The following SORT1 variants were observed in gnomAD, a reference collection of about 807,000 sequenced individuals.
SORT1 encodes the protein sortilin.
SORT1 carries 39 observed loss-of-function variants against 101.7 expected under a neutral mutation model. The observed-to-expected ratio is 0.38, with a 90% CI of 0.30 to 0.50. The LOEUF (loss-of-function observed/expected upper bound fraction) is 0.50. Ranked by LOEUF, SORT1 falls within the 20% of genes least tolerant of loss-of-function variation. The probability of loss-of-function intolerance (pLI) is 0.90; values close to 1 mark genes in which losing one functional copy is unlikely to be tolerated. For missense variants in SORT1, 878 were observed against 1,040.4 expected, an observed-to-expected ratio of 0.84 and a Z score of 2.15; for synonymous variants, 396 against 393.7, an observed-to-expected ratio of 1.01 and a Z score of -0.07.
At chr1:109,340,580 A>T (rs946745077) in intron 10 of SORT1, 144 bp downstream of exon 10, 3 of 789,574 alleles carry the variant, frequency 3.8e-6, no homozygotes, top group Admixed American at 2.9e-5. Context: ...GCCACAATAA[A>T]AAAAAAAAAG....
intron 16 of SORT1, among the ~76,000 whole-genome samples, chr1:109,317,527 C>G (rs1477088335): frequency 6.6e-6 from 1 of 152,204 alleles, no homozygotes; most frequent in South Asian, 2.1e-4. Context: ...GCGGATGGGA[C>G]GCTTCTGTCA....
Position 109,325,029 on chromosome 1 carries a change from A to G in SORT1, c.1704T>C (p.Tyr568=), listed in dbSNP as rs775241230. 16 of 1,613,962 alleles carry G rather than the reference A, an allele frequency of 9.9e-6. No individual in the cohort carries two copies. The South Asian group carries it at 1.6e-4, about 17-fold the overall frequency. Residue 568 remains tyrosine, a synonymous_variant, in exon 14 of 20, where the codon TAT becomes TAC. Transcript: ENST00000256637. ...CAGGTTCTGAAGCTAGGCCAGTGAAATAGATGGGGTCCCTGGTGAACGTGT... is the reference window on the plus strand; with the variant it reads ...CAGGTTCTGAAGCTAGGCCAGTGAAGTAGATGGGGTCCCTGGTGAACGTGT... The part of the protein sequence containing the change: ...QTYTFTRDPI[Y]FTGLASEPGA...
intron 1 of SORT1, among the ~76,000 whole-genome samples, chr1:109,378,738 ATATATATATATATAT>A: frequency 9.5e-6 from 1 of 105,222 alleles, no homozygotes; most frequent in Admixed American, 9.3e-5. Context: ...ATATATATAT[ATATATATATATATAT>A]ATATATATAA....
rs994175566 is a variant in SORT1, at chr1:109,397,526, G to A, written c.306+61C>T. ...CCGGGAGTCGCGGGGCGCACGGGCCGGGAGGGGCACGCGGGCGGCACCTCG... is the reference window on the plus strand; with the variant it reads ...CCGGGAGTCGCGGGGCGCACGGGCCAGGAGGGGCACGCGGGCGGCACCTCG... On this transcript the variant is annotated intron_variant, in intron 1 of 19. Transcript: ENST00000256637. 1.1e-5 allele frequency: 12 copies of A among 1,050,306 alleles called. No individual in the cohort carries two copies. The African/African-American group carries it at 2.1e-4, about 18-fold the overall frequency. The allele number at this position is 1,050,306 out of a possible 1,614,324, so 65.1% of individuals were successfully genotyped here. A position where few individuals can be genotyped will look rare whatever the true frequency, so the allele number is the denominator to read the frequency against.
chr1:109,327,621 C>T lies in SORT1; in HGVS notation c.1372-20G>A, dbSNP rs374776315. On this transcript the variant is annotated intron_variant, in intron 11 of 19. Coordinates refer to ENST00000256637, the MANE Select transcript of SORT1 (RefSeq NM_002959.7). ...GCTGCACTGTGAAAAGAAACAAAAG[C>T]GTAGATTAGAACCAAAGATAAAGAT... 127 of 1,445,408 alleles carry T rather than the reference C, an allele frequency of 8.8e-5. 1 individual carries two copies. The highest frequency in any genetic ancestry group is 1.1e-4 in the African/African-American group (8 of 69,740). The allele number at this position is 1,445,408 out of a possible 1,614,324, so 89.5% of individuals were successfully genotyped here.
In SORT1 at chr1:109,318,009, G is replaced by A. The variant is rs548333462; in HGVS notation, c.2025-40C>T. On this transcript the variant is annotated intron_variant, in intron 15 of 19. Coordinates refer to ENST00000256637, the MANE Select transcript of SORT1 (RefSeq NM_002959.7). ...AAATAAAGTACCTTTCAAAGCAGCT[G>A]GAAGACCGTTAAGTGACTAGCAATG... 1.9e-4 allele frequency: 243 copies of A among 1,301,122 alleles called. 3 individuals carry two copies. The South Asian group carries it at 2.6e-3, about 14-fold the overall frequency. The allele number at this position is 1,301,122 out of a possible 1,614,324, so 80.6% of individuals were successfully genotyped here. A position where few individuals can be genotyped will look rare whatever the true frequency, so the allele number is the denominator to read the frequency against.
At position 109,340,898 on chromosome 1, in the gene SORT1, CA is replaced by C; in HGVS notation, c.1109-20del. On this transcript the variant is annotated intron_variant, in intron 9 of 19. Coordinates refer to ENST00000256637, the MANE Select transcript of SORT1 (RefSeq NM_002959.7). ...CCAGTGTCTGAAATAGGCAAACAAACAAAAATACTAAGTCTTGGGTGGAACC... is the reference window on the plus strand; with the variant it reads ...CCAGTGTCTGAAATAGGCAAACAAACAAAATACTAAGTCTTGGGTGGAACC... 6.3e-7 allele frequency: 1 copy of C among 1,594,068 alleles called. No homozygotes were observed. The highest frequency in any genetic ancestry group is 8.6e-7 in the Non-Finnish European group (1 of 1,168,902).
chr1:109,365,933 G>A (rs903196516), intron 3 of SORT1, among the ~76,000 whole-genome samples: 1 of 152,154 alleles, frequency 6.6e-6, no homozygotes. Context: ...CTTGAACATG[G>A]GTTCACTCCC....
intron 1 of SORT1, among the ~76,000 whole-genome samples, chr1:109,395,208 CTTTTTTTTTTTT>C (rs71069681): frequency 2.3e-5 from 1 of 42,606 alleles, no homozygotes; most frequent in Non-Finnish European, 4.0e-5. Flanking sequence ...AACGCAAAAA[CTTTTTTTTTTTT>C]TTTTTTTTTT....
intron 6 of SORT1, among the ~76,000 whole-genome samples, chr1:109,347,898 AT>A (rs1440402536): frequency 6.6e-6 from 1 of 152,212 alleles, no homozygotes; most frequent in Non-Finnish European, 1.5e-5. Flanking sequence ...ACATTTTATG[AT>A]GCACAGGACG....
chr1:109,326,606 GT>G (rs540487617), intron 13 of SORT1, among the ~76,000 whole-genome samples: 18 of 136,268 alleles, frequency 1.3e-4, no homozygotes, highest in African/African-American at 1.4e-4. Context: ...TATATATATG[GT>G]TTTTTTTTTG....
At chr1:109,320,893 G>A (rs1024585754) in intron 15 of SORT1, among the ~76,000 whole-genome samples, 6 of 152,064 alleles carry the variant, frequency 3.9e-5, no homozygotes, top group South Asian at 2.1e-4. Flanking sequence ...GAGGAAATTC[G>A]GATAAGAGTT....
intron 5 of SORT1, 149 bp downstream of exon 5, chr1:109,354,217 GA>G: frequency 3.5e-6 from 2 of 566,028 alleles, no homozygotes; most frequent in Admixed American, 3.5e-5. Flanking sequence ...TACCAAATAG[GA>G]AAAAACGTCA....
intron 3 of SORT1, among the ~76,000 whole-genome samples, chr1:109,362,675 A>C (rs1650801593): frequency 6.6e-6 from 1 of 152,188 alleles, no homozygotes; most frequent in Non-Finnish European, 1.5e-5. Context: ...AGAACTTTTA[A>C]TCAGAAGGAA....
At chr1:109,394,830 T>G (rs1322579266) in intron 1 of SORT1, among the ~76,000 whole-genome samples, 1 of 152,220 alleles carries the variant, frequency 6.6e-6, no homozygotes, top group African/African-American at 2.4e-5. Flanking sequence ...TTTTGCTTTT[T>G]CTTGGGACTC....
At chr1:109,329,820 A>G (rs1279561026) in intron 11 of SORT1, among the ~76,000 whole-genome samples, 1 of 152,228 alleles carries the variant, frequency 6.6e-6, no homozygotes, top group African/African-American at 2.4e-5. Flanking sequence ...AAAACCAGTA[A>G]GGAAAGAGCA....
At position 109,317,953 on chromosome 1, in the gene SORT1, G is replaced by A. The variant is rs1397331268; in HGVS notation, c.2041C>T (p.Arg681Cys). ...ACACACTTGGAGTCATTTTCTGGAC[G>A]GTAGTAGCCAAAATCACTGCAAGAG... ...EDFLCDFGYY[R>C]PENDSKCVEQ... The change falls in exon 16 of 20, where the codon CGT (arginine) becomes TGT (cysteine). Residue 681 changes from arginine to cysteine, a missense_variant. Arg to Cys is a radical substitution (Grantham distance 180). Transcript: ENST00000256637. 1.2e-6 allele frequency: 2 copies of A among 1,612,542 alleles called. No homozygotes were observed. Among genetic ancestry groups the A allele is most frequent in the Non-Finnish European group, 1.7e-6 (2 of 1,178,604 alleles).
chr1:109,351,065 C>A, intron 5 of SORT1, 63 bp from the exon 6 acceptor site: 1 of 1,061,596 alleles, frequency 9.4e-7, no homozygotes, highest in Admixed American at 1.7e-5. Context: ...CTTGTATGAC[C>A]TTTAATATTT....
intron 17 of SORT1, among the ~76,000 whole-genome samples, chr1:109,315,748 C>CTTTTT (rs553898685): frequency 8.0e-6 from 1 of 124,732 alleles, no homozygotes; most frequent in African/African-American, 3.0e-5. Flanking sequence ...GCCTCATAAC[C>CTTTTT]TTTTTTTTTT....
Sources: allele counts gnomAD v4.1 joint callset (sites outside exome capture counted in the v4.1 genomes callset), GRCh38; gene constraint gnomAD v4.1.1; transcripts MANE v1.5; gene names NCBI Gene and HGNC (gene_info 2026-07-23, HGNC 2026-07-21).